The following PTPRC variants were observed in gnomAD, a reference collection of about 807,000 sequenced individuals.
The protein encoded by PTPRC is receptor-type tyrosine-protein phosphatase C.
PTPRC carries 44 observed loss-of-function variants against 155.9 expected under a neutral mutation model. That is an observed-to-expected ratio of 0.28 (90% confidence interval 0.22 to 0.36). The LOEUF (loss-of-function observed/expected upper bound fraction) is 0.36. Among genes scored for constraint, PTPRC ranks in the 10% least tolerant of loss-of-function variants. The pLI is 1.00. For synonymous variants in PTPRC, 525 were observed against 533.1 expected, an observed-to-expected ratio of 0.98 and a Z score of 0.21; for missense variants, 1,401 against 1,564.6, an observed-to-expected ratio of 0.90 and a Z score of 1.76.
intron 32 of PTPRC, among the ~76,000 whole-genome samples, chr1:198,755,242 G>C (rs182340910): frequency 2.6e-5 from 4 of 152,144 alleles, no homozygotes; most frequent in Admixed American, 2.0e-4. Context: ...TCTTGTAATC[G>C]ATCTATCGTG....
At chr1:198,656,003 G>A (rs187367584) in intron 2 of PTPRC, among the ~76,000 whole-genome samples, 2 of 152,070 alleles carry the variant, frequency 1.3e-5, no homozygotes, top group East Asian at 3.9e-4. Flanking sequence ...GAAGTTCGTT[G>A]GGTACTCTAT....
At chr1:198,645,940 G>A (rs1662914986) in intron 2 of PTPRC, among the ~76,000 whole-genome samples, 1 of 151,616 alleles carries the variant, frequency 6.6e-6, no homozygotes, top group Non-Finnish European at 1.5e-5. Context: ...ACCATTACCA[G>A]GATAATCTTT....
intron 3 of PTPRC, chr1:198,694,677 A>T: frequency 1.0e-6 from 1 of 981,498 alleles, no homozygotes; most frequent in Non-Finnish European, 1.2e-6. Context: ...GATGACAGTG[A>T]CTTAATGTGA....
At chr1:198,641,751 C>T (rs1172176408) in intron 2 of PTPRC, among the ~76,000 whole-genome samples, 2 of 151,996 alleles carry the variant, frequency 1.3e-5, no homozygotes, top group African/African-American at 4.8e-5. Context: ...ATCTACCACA[C>T]TATAGCATGG....
At chr1:198,657,650 C>A (rs1396006737) in intron 2 of PTPRC, 1 of 151,960 alleles carries the variant, frequency 6.6e-6, no homozygotes, top group Non-Finnish European at 1.5e-5. Context: ...TTGCTCTTTT[C>A]TTTTTTTTCT....
chr1:198,651,081 G>C (rs1318449465), intron 2 of PTPRC, among the ~76,000 whole-genome samples: 1 of 151,686 alleles, frequency 6.6e-6, no homozygotes, highest in African/African-American at 2.4e-5. Flanking sequence ...TATATCCCTT[G>C]CTAGCTTAAC....
chr1:198,695,717 T>C (rs1666170453), intron 3 of PTPRC, among the ~76,000 whole-genome samples: 1 of 152,186 alleles, frequency 6.6e-6, no homozygotes, highest in Admixed American at 6.5e-5. Flanking sequence ...TGGATATTAT[T>C]TCAGTATTTT....
chr1:198,719,545 T>C (rs548345055), intron 14 of PTPRC, among the ~76,000 whole-genome samples: 4 of 152,322 alleles, frequency 2.6e-5, no homozygotes, highest in Non-Finnish European at 4.4e-5. Context: ...TTTTTTAATA[T>C]GATGTTGACA....
intron 12 of PTPRC, among the ~76,000 whole-genome samples, chr1:198,715,633 TA>T (rs1653549174): frequency 6.6e-6 from 1 of 151,674 alleles, no homozygotes; most frequent in Admixed American, 6.6e-5. Context: ...TAATGCCTTT[TA>T]TTTTTTTAAG....
At position 198,731,682 on chromosome 1, in the gene PTPRC, A is replaced by C; in HGVS notation, c.1930A>C (p.Arg644=). The C allele has an allele frequency of 6.2e-7, 1 of 1,611,676 alleles. No individual in the cohort carries two copies. The highest frequency in any genetic ancestry group is 1.3e-5 in the African/African-American group (1 of 74,928). The change falls in exon 18 of 33, where the codon AGG becomes CGG. Residue 644 remains arginine (R), a synonymous_variant. Transcript: ENST00000442510. ...AGATATTTTGTTGGAAACTTATAAG[A>C]GGAAGATTGCTGATGAAGGAAGACT... ...HADILLETYK[R]KIADEGRLFL... is the part of the protein sequence containing the mutation.
rs1217791977 is a variant in PTPRC, at chr1:198,708,263, T to C, written c.1033+2T>C. On this transcript the variant is annotated splice_donor_variant, in intron 10 of 32. Transcript: ENST00000442510. LOFTEE classifies it high-confidence loss of function. ...ATATTACCTACAGATTTCAGTGTGG[T>C]AAGAATATAACATTGACCAGAGAAT... 1 of 1,603,902 alleles carries C rather than the reference T, an allele frequency of 6.2e-7. No individual in the cohort carries two copies. The highest frequency in any genetic ancestry group is 1.3e-5 in the African/African-American group (1 of 74,826).
intron 2 of PTPRC, among the ~76,000 whole-genome samples, chr1:198,674,760 A>C (rs1206515093): frequency 6.6e-6 from 1 of 152,082 alleles, no homozygotes; most frequent in Non-Finnish European, 1.5e-5. Flanking sequence ...GAATAATTTT[A>C]GATTTACAGA....
At chr1:198,657,175 A>G (rs1186064795) in intron 2 of PTPRC, among the ~76,000 whole-genome samples, 1 of 152,054 alleles carries the variant, frequency 6.6e-6, no homozygotes, top group East Asian at 1.9e-4. Context: ...CTAGAGCAGA[A>G]AAAAATTAGC....
chr1:198,693,238 CA>C (rs1303442541), intron 3 of PTPRC: 3 of 769,826 alleles, frequency 3.9e-6, no homozygotes, highest in East Asian at 2.6e-4. Context: ...AAAATAGTAA[CA>C]AAAACACTTC....
At chr1:198,664,441 C>T (rs1379356437) in intron 2 of PTPRC, among the ~76,000 whole-genome samples, 1 of 152,104 alleles carries the variant, frequency 6.6e-6, no homozygotes, top group African/African-American at 2.4e-5. Context: ...TGATGTGATC[C>T]TGTAAGTTTG....
At chr1:198,671,233 C>A (rs78030481) in intron 2 of PTPRC, among the ~76,000 whole-genome samples, 6,199 of 152,132 alleles carry the variant, frequency 0.041, 391 homozygotes, top group African/African-American at 0.13. Context: ...CATGCATACA[C>A]CAGTATCACC....
intron 20 of PTPRC, among the ~76,000 whole-genome samples, chr1:198,732,836 T>C (rs570092099): frequency 5.9e-5 from 9 of 151,908 alleles, no homozygotes; most frequent in Non-Finnish European, 1.3e-4. Context: ...CTAAATATTC[T>C]ATGCATATAT....
chr1:198,698,510 G>A (rs1449395324), intron 4 of PTPRC, among the ~76,000 whole-genome samples: 1 of 151,840 alleles, frequency 6.6e-6, no homozygotes, highest in African/African-American at 2.4e-5. Context: ...ATATAATTGG[G>A]GGAAAATCCT....
At chr1:198,651,513 C>T (rs963730004) in intron 2 of PTPRC, among the ~76,000 whole-genome samples, 1 of 151,584 alleles carries the variant, frequency 6.6e-6, no homozygotes, top group African/African-American at 2.4e-5. Context: ...ATTTTGATCT[C>T]AGGCTTGGCA....
Sources: gnomAD v4.1 joint callset for allele counts (sites outside exome capture counted in the v4.1 genomes callset) on GRCh38, gnomAD v4.1.1 for gene constraint, MANE v1.5 for transcripts, NCBI Gene and HGNC (gene_info 2026-07-23, HGNC 2026-07-21) for gene names.